The following PARVB variants were observed in gnomAD, a reference collection of about 807,000 sequenced individuals.
PARVB encodes beta-parvin.
PARVB carries 46 observed loss-of-function variants against 47.0 expected under a neutral mutation model. The ratio of observed to expected loss-of-function variants is 0.98; its 90% confidence interval spans 0.77 to 1.25. PARVB has a LOEUF of 1.25. Ranked by LOEUF, PARVB falls within the 50% of genes most tolerant of loss-of-function variation. PARVB has a pLI of 0.00. For missense variants in PARVB, 473 were observed against 471.6 expected (o/e 1.00, Z -0.03); for synonymous variants, 196 against 196.3 (o/e 1.00, Z 0.01).
chr22:44,100,839 G>C (rs923202200), intron 3 of PARVB, among the ~76,000 whole-genome samples: 1 of 152,194 alleles, frequency 6.6e-6, no homozygotes, highest in Non-Finnish European at 1.5e-5. Flanking sequence ...TGTGGGCTCT[G>C]CCTGACCTTG....
At chr22:44,093,222 T>G (rs1447942880) in intron 1 of PARVB, among the ~76,000 whole-genome samples, 1 of 152,230 alleles carries the variant, frequency 6.6e-6, no homozygotes, top group East Asian at 1.9e-4. Context: ...CTGAAAGGCC[T>G]GCAGGGTCTC....
At chr22:44,065,502 G>T (rs754248480) in intron 1 of PARVB, among the ~76,000 whole-genome samples, 1 of 152,030 alleles carries the variant, frequency 6.6e-6, no homozygotes, top group African/African-American at 2.4e-5. Flanking sequence ...ACAGGTTTTT[G>T]GGGAACAGGT....
At chr22:44,017,927 A>C (rs1259243447) in intron 2 of PARVB, among the ~76,000 whole-genome samples, 1 of 152,106 alleles carries the variant, frequency 6.6e-6, no homozygotes, top group Non-Finnish European at 1.5e-5. Flanking sequence ...ATGATGTTGC[A>C]TGTCACGTGT....
chr22:44,145,875 A>G (rs1321322708), intron 8 of PARVB: 5 of 150,872 alleles, frequency 3.3e-5, no homozygotes, highest in Admixed American at 6.6e-5. Flanking sequence ...TAGTTTGCGT[A>G]TTGCTTTGTA....
At chr22:44,075,688 A>T (rs900798856) in intron 1 of PARVB, among the ~76,000 whole-genome samples, 7 of 152,230 alleles carry the variant, frequency 4.6e-5, no homozygotes, top group Admixed American at 2.0e-4. Flanking sequence ...AGTTGGGATC[A>T]CACTGTCTGC....
intron 5 of PARVB, among the ~76,000 whole-genome samples, chr22:44,132,393 G>A (rs2053347640): frequency 6.6e-6 from 1 of 152,220 alleles, no homozygotes; most frequent in African/African-American, 2.4e-5. Flanking sequence ...GAGTCCGCAT[G>A]CTGAGGAAGA....
At chr22:44,069,788 C>A (rs2051614898) in intron 1 of PARVB, among the ~76,000 whole-genome samples, 1 of 152,222 alleles carries the variant, frequency 6.6e-6, no homozygotes, top group Admixed American at 6.5e-5. Context: ...CTCGGCCTCC[C>A]AAAATGCTGG....
chr22:44,013,669 G>A (rs751139303), intron 2 of PARVB, among the ~76,000 whole-genome samples: 1 of 152,042 alleles, frequency 6.6e-6, no homozygotes, highest in Non-Finnish European at 1.5e-5. Context: ...GTCTCACTCT[G>A]TCTCCCAGGC....
In PARVB at chr22:44,043,039, G is replaced by A. The variant is rs139293844; in HGVS notation, c.112+18588G>A. On this transcript the variant is annotated intron_variant, in intron 1 of 12. Transcript: ENST00000338758. The stretch of plus-strand genomic sequence containing the variant: ...ACTGATGAGTGGATAAGCAAACTAT[G>A]CTCCATCCATACGATAGAATACTAT... Among the ~76,000 whole-genome samples the A allele has an allele frequency of 9.0e-3, 1,371 of 152,302 alleles. 18 individuals carry two copies. Among genetic ancestry groups the A allele is most frequent in the Non-Finnish European group, 0.015 (1,014 of 68,026 alleles).
At chr22:44,166,031 C>G (rs1298877912) in intron 12 of PARVB, among the ~76,000 whole-genome samples, 1 of 152,208 alleles carries the variant, frequency 6.6e-6, no homozygotes, top group Non-Finnish European at 1.5e-5. Flanking sequence ...GGGTGCTTCC[C>G]CCGTACCCTC....
rs942677938 is a variant in PARVB at position 44,125,732 on chromosome 22, C to G, written c.377-5755C>G. On this transcript the variant is annotated intron_variant, in intron 4 of 12. Coordinates refer to ENST00000338758, the MANE Select transcript of PARVB (RefSeq NM_013327.5). This position sits in a 1 kb window ranked among gnomAD's most constrained non-coding sequence, Gnocchi z 4.1. ...ACAGTCTATTCCAAGTGACAGGAAG[C>G]CATTGGAGGTTTTGGGTAGGGCTGT... is the stretch of plus-strand genomic sequence containing the variant. Among the ~76,000 whole-genome samples, 4 of 152,104 alleles carry G rather than the reference C, an allele frequency of 2.6e-5. No homozygotes were observed. The highest frequency in any genetic ancestry group is 9.7e-5 in the African/African-American group (4 of 41,410).
intron 10 of PARVB, among the ~76,000 whole-genome samples, chr22:44,154,093 G>A (rs1342981615): frequency 3.3e-5 from 5 of 152,212 alleles, no homozygotes; most frequent in Non-Finnish European, 5.9e-5. Context: ...CATACCAGCT[G>A]TCCCCACAGC....
chr22:44,015,958 C>G (rs1375854622), intron 2 of PARVB, among the ~76,000 whole-genome samples: 1 of 152,188 alleles, frequency 6.6e-6, no homozygotes, highest in East Asian at 1.9e-4. Context: ...CGTTTGTGCC[C>G]TATGCAAATC....
chr22:44,087,183 G>C (rs2052043621), intron 1 of PARVB, among the ~76,000 whole-genome samples: 1 of 152,114 alleles, frequency 6.6e-6, no homozygotes. Flanking sequence ...TGTTTTTGTT[G>C]GGGTTTTCTC....
Position 44,131,611 on chromosome 22 carries a change from C to T in PARVB, c.501C>T (p.Leu167=). The change falls in exon 5 of 13, where the codon CTC becomes CTT. Residue 167 remains leucine (L), a synonymous_variant. Coordinates refer to ENST00000338758, the MANE Select transcript of PARVB (RefSeq NM_013327.5). ...TGCTGCGGCCCCGAGGCTGGGCGCTCCGGTGGAGCGTGGACTGTGAGTTCC... is the reference window on the plus strand; with the variant it reads ...TGCTGCGGCCCCGAGGCTGGGCGCTTCGGTGGAGCGTGGACTGTGAGTTCC... ...HDLLRPRGWA[L]RWSVDSIHGK... is the part of the protein sequence containing the mutation. 6.2e-7 allele frequency: 1 copy of T among 1,613,552 alleles called. No homozygotes were observed. Among genetic ancestry groups the T allele is most frequent in the South Asian group, 1.1e-5 (1 of 90,990 alleles).
At chr22:44,122,562 CAGAGAGAGAGAGAGAG>C (rs55865160) in intron 4 of PARVB, among the ~76,000 whole-genome samples, 5,291 of 78,662 alleles carry the variant, frequency 0.067, 182 homozygotes, top group Non-Finnish European at 0.093. Flanking sequence ...GACACAGAGA[CAGAGAGAGAGAGAGAG>C]AGAGAGAGAG....
intron 4 of PARVB, among the ~76,000 whole-genome samples, chr22:44,128,254 G>C (rs1021446346): frequency 6.6e-6 from 1 of 152,180 alleles, no homozygotes; most frequent in African/African-American, 2.4e-5. Context: ...CGTCCTGCTG[G>C]TCACTCACGG....
chr22:44,028,125 G>A (rs1334368294), intron 1 of PARVB, among the ~76,000 whole-genome samples: 2 of 151,948 alleles, frequency 1.3e-5, no homozygotes, highest in Non-Finnish European at 2.9e-5. Flanking sequence ...ATCTCCGCAA[G>A]CTCATAGTTT....
intron 2 of PARVB, among the ~76,000 whole-genome samples, chr22:44,008,922 G>A (rs1228158087): frequency 1.3e-5 from 2 of 152,180 alleles, no homozygotes; most frequent in African/African-American, 4.8e-5. Flanking sequence ...CCGGGAGGCA[G>A]AGCTTGCAGT....
Sources: allele counts gnomAD v4.1 joint callset (sites outside exome capture counted in the v4.1 genomes callset), GRCh38; gene constraint gnomAD v4.1.1; non-coding constraint Gnocchi (gnomAD v3.1); transcripts MANE v1.5; gene names NCBI Gene and HGNC (gene_info 2026-07-23, HGNC 2026-07-21).